MACROD2: variants seen among roughly 807,000 people sequenced by gnomAD.
MACROD2 encodes mono-ADP ribosylhydrolase 2.
In MACROD2, 36 loss-of-function variants were observed where a neutral mutation model predicts 70.4. The observed-to-expected ratio is 0.51, with a 90% CI of 0.39 to 0.68. The LOEUF is 0.68. MACROD2 is among the 30% of genes least tolerant of loss of function. The pLI, the probability that MACROD2 is intolerant of heterozygous loss-of-function variation, is 0.00. For synonymous variants in MACROD2, 172 were observed against 178.8 expected (o/e 0.96, Z 0.30); for missense variants, 496 against 538.4 (o/e 0.92, Z 0.78).
chr20:14,629,273 A>G (rs140959781), intron 4 of MACROD2, among the ~76,000 whole-genome samples: 194 of 152,314 alleles, frequency 1.3e-3, no homozygotes, highest in African/African-American at 4.3e-3. Flanking sequence ...AATGCATTTA[A>G]TTCTTTCTCA....
At chr20:15,719,893 T>C (rs972088256) in intron 8 of MACROD2, among the ~76,000 whole-genome samples, 1 of 151,778 alleles carries the variant, frequency 6.6e-6, no homozygotes, top group Non-Finnish European at 1.5e-5. Context: ...ACATCACTAC[T>C]TACTCTTTTT....
At chr20:15,450,060 G>GTA (rs1367760195) in intron 7 of MACROD2, among the ~76,000 whole-genome samples, 1 of 151,986 alleles carries the variant, frequency 6.6e-6, no homozygotes, top group African/African-American at 2.4e-5. Context: ...ATTGATTTAT[G>GTA]TATATATGCA....
rs1044935878 is a variant in MACROD2 at position 14,784,677 on chromosome 20, G to T, written c.418+99718G>T. On this transcript the variant is annotated intron_variant, in intron 5 of 17. Coordinates refer to ENST00000684519, the MANE Select transcript of MACROD2 (RefSeq NM_001351661.2). ...AGGATGGTGTTTTAAGTGGGGGGGG[G>T]GGGGCACCAGATTCAGTTACCTGGA... 3.6e-5 allele frequency among the ~76,000 whole-genome samples: 5 copies of T among 138,836 alleles called. 1 individual carries two copies. The highest frequency in any genetic ancestry group is 1.0e-4 in the African/African-American group (4 of 38,500). 91.1% of individuals were successfully genotyped at this position (138,836 alleles called of 152,430 possible).
chr20:14,818,562 G>T (rs2072800559), intron 5 of MACROD2, among the ~76,000 whole-genome samples: 1 of 151,968 alleles, frequency 6.6e-6, no homozygotes, highest in African/African-American at 2.4e-5. Context: ...GAAGATTCCA[G>T]GTTCACCTAT....
intron 8 of MACROD2, among the ~76,000 whole-genome samples, chr20:15,692,692 G>A (rs550527801): frequency 1.3e-5 from 2 of 152,194 alleles, no homozygotes; most frequent in East Asian, 3.9e-4. Flanking sequence ...AAGTCCTAAT[G>A]ACAAAAGTAA....
intron 8 of MACROD2, among the ~76,000 whole-genome samples, chr20:15,775,339 A>C (rs1374421927): frequency 6.6e-6 from 1 of 152,104 alleles, no homozygotes; most frequent in African/African-American, 2.4e-5. Flanking sequence ...TTCTCCATAG[A>C]CTGGACAGAA....
At chr20:14,576,223 C>T (rs1870133335) in intron 4 of MACROD2, among the ~76,000 whole-genome samples, 1 of 152,106 alleles carries the variant, frequency 6.6e-6, no homozygotes. Flanking sequence ...GCTGCTTGAG[C>T]AGAGGCTTCA....
chr20:15,253,773 A>T (rs1291855541), intron 6 of MACROD2, among the ~76,000 whole-genome samples: 7 of 152,204 alleles, frequency 4.6e-5, no homozygotes, highest in Non-Finnish European at 4.4e-5. Flanking sequence ...GAGAGAATCG[A>T]CTGAGCTACA....
chr20:14,019,699 T>C (rs555008110), intron 2 of MACROD2, among the ~76,000 whole-genome samples: 3 of 152,180 alleles, frequency 2.0e-5, no homozygotes, highest in South Asian at 2.1e-4. Context: ...CACAGGACCA[T>C]TGAATCATGA....
chr20:14,090,444 G>A (rs192193315), intron 3 of MACROD2, among the ~76,000 whole-genome samples: 6 of 151,934 alleles, frequency 3.9e-5, no homozygotes, highest in South Asian at 2.1e-4. Context: ...ACGGTGGCAG[G>A]TGCCTGTAAT....
intron 7 of MACROD2, among the ~76,000 whole-genome samples, chr20:15,494,859 A>G (rs2047277414): frequency 6.6e-6 from 1 of 152,130 alleles, no homozygotes; most frequent in South Asian, 2.1e-4. Context: ...TATTTATCGT[A>G]TAAGTCAACT....
At chr20:14,871,866 A>C (rs1447475357) in intron 5 of MACROD2, among the ~76,000 whole-genome samples, 2 of 152,186 alleles carry the variant, frequency 1.3e-5, no homozygotes, top group Non-Finnish European at 2.9e-5. Context: ...AGCTGGAGTT[A>C]TAATCCCAGT....
chr20:14,309,818 G>T (rs1010700533), intron 3 of MACROD2, among the ~76,000 whole-genome samples: 1 of 152,084 alleles, frequency 6.6e-6, no homozygotes, highest in Non-Finnish European at 1.5e-5. Flanking sequence ...AATTAATAAT[G>T]AACTATGTTG....
At chr20:14,271,718 C>T (rs2082197873) in intron 3 of MACROD2, among the ~76,000 whole-genome samples, 1 of 152,034 alleles carries the variant, frequency 6.6e-6, no homozygotes, top group Non-Finnish European at 1.5e-5. Context: ...GAAATTCAAA[C>T]CAAAGGCAAA....
intron 8 of MACROD2, among the ~76,000 whole-genome samples, chr20:15,521,008 A>G (rs766682828): frequency 3.3e-5 from 5 of 152,196 alleles, no homozygotes; most frequent in Non-Finnish European, 5.9e-5. Context: ...GGGTGTTTAA[A>G]CCACAGGGAA....
chr20:15,542,738 A>C (rs944443304), intron 8 of MACROD2, among the ~76,000 whole-genome samples: 2 of 152,230 alleles, frequency 1.3e-5, no homozygotes, highest in Admixed American at 1.3e-4. Flanking sequence ...TTCATCAAAC[A>C]GCCAAGTGAT....
At position 15,090,286 on chromosome 20, in the gene MACROD2, C is replaced by A. The variant is rs577852979; in HGVS notation, c.419-139654C>A. 2.8e-4 allele frequency among the ~76,000 whole-genome samples: 43 copies of A among 152,072 alleles called. 1 individual carries two copies. Among genetic ancestry groups the A allele is most frequent in the Non-Finnish European group, 4.7e-4 (32 of 67,976 alleles). On this transcript the variant is annotated intron_variant, in intron 5 of 17. Coordinates refer to ENST00000684519, the MANE Select transcript of MACROD2 (RefSeq NM_001351661.2). ...GTTTAGGGTTAAGAATGCTAATTAA[C>A]TTATTTTTACCATACACTGGATGCA...
At chr20:14,554,038 C>T (rs566319672) in intron 4 of MACROD2, among the ~76,000 whole-genome samples, 2 of 152,212 alleles carry the variant, frequency 1.3e-5, no homozygotes, top group Non-Finnish European at 2.9e-5. Flanking sequence ...AGCTGTTTTG[C>T]TCATTTTTAA....
At chr20:14,207,273 G>GT (rs778943306) in intron 3 of MACROD2, among the ~76,000 whole-genome samples, 49 of 151,718 alleles carry the variant, frequency 3.2e-4, no homozygotes, top group Non-Finnish European at 5.2e-4. Flanking sequence ...AATTTTTGTG[G>GT]TTTTTTTTAG....
Sources: gnomAD v4.1 joint callset for allele counts (sites outside exome capture counted in the v4.1 genomes callset) on GRCh38, gnomAD v4.1.1 for gene constraint, MANE v1.5 for transcripts, NCBI Gene and HGNC (gene_info 2026-07-23, HGNC 2026-07-21) for gene names.